Variants in ULK4 observed in about 807,000 individuals in gnomAD.
ULK4 encodes inactive serine/threonine-protein kinase ULK4.
A neutral mutation model predicts 160.6 loss-of-function variants in ULK4; 133 were observed. The ratio of observed to expected loss-of-function variants is 0.83; its 90% CI spans 0.72 to 0.96. The LOEUF (loss-of-function observed/expected upper bound fraction) is 0.96, where lower values mean the gene tolerates loss of function less well. Among genes scored for constraint, ULK4 ranks in the 40% least tolerant of loss-of-function variants. The probability of loss-of-function intolerance (pLI) is 0.00; values close to 1 mark genes in which losing one functional copy is unlikely to be tolerated. For missense variants in ULK4, 1,580 were observed against 1,499.5 expected (o/e 1.05, Z -0.89); for synonymous variants, 534 against 539.8 (o/e 0.99, Z 0.15).
At position 41,417,911 on chromosome 3, in the gene ULK4, G is replaced by T. The variant is rs900630182; in HGVS notation, c.3493-19647C>A. The stretch of plus-strand genomic sequence containing the variant: ...ACTTGAAAAACAGCAGGTGCAAAAA[G>T]ATCACTCTGACCTTCGTGCTGTTTT... On this transcript the variant is annotated intron_variant, in intron 34 of 36. Transcript: ENST00000301831. Among the ~76,000 whole-genome samples the T allele has an allele frequency of 2.6e-5, 4 of 152,124 alleles. No individual in the cohort carries two copies. In the East Asian group the frequency reaches 7.7e-4, roughly 29 times the overall value.
chr3:41,809,512 T>C (rs1294353110), intron 19 of ULK4, among the ~76,000 whole-genome samples: 1 of 152,198 alleles, frequency 6.6e-6, no homozygotes, highest in Non-Finnish European at 1.5e-5. Context: ...TAAGATTATA[T>C]TTGTGTGTGG....
At chr3:41,935,209 A>ATTTATTTTT (rs1559660879) in intron 4 of ULK4, among the ~76,000 whole-genome samples, 2 of 135,610 alleles carry the variant, frequency 1.5e-5, no homozygotes, top group African/African-American at 3.3e-5. Context: ...TTATTTATTT[A>ATTTATTTTT]TTTTTTTTTT....
rs367640339 is a variant in ULK4 at position 41,451,806 on chromosome 3, A to G, written c.3492+3691T>C. Among the ~76,000 whole-genome samples the G allele has an allele frequency of 3.3e-5, 5 of 152,106 alleles. No homozygotes were observed. The East Asian group carries it at 9.7e-4, about 29-fold the overall frequency. On this transcript the variant is annotated intron_variant, in intron 34 of 36. Coordinates refer to ENST00000301831, the MANE Select transcript of ULK4 (RefSeq NM_017886.4). ...AAACTGCTACTTTTGTAGGCCTCAA[A>G]TGGTCGGATATTGGCAATTTTATGT... is the stretch of plus-strand genomic sequence containing the variant.
intron 30 of ULK4, among the ~76,000 whole-genome samples, chr3:41,617,707 C>G (rs1380761202): frequency 6.6e-6 from 1 of 152,154 alleles, no homozygotes; most frequent in East Asian, 1.9e-4. Flanking sequence ...ATCCAGAATG[C>G]CTCTTCTCCT....
At chr3:41,385,510 C>T (rs1231289133) in intron 35 of ULK4, among the ~76,000 whole-genome samples, 1 of 152,016 alleles carries the variant, frequency 6.6e-6, no homozygotes, top group Non-Finnish European at 1.5e-5. Flanking sequence ...CTAGCCTGGG[C>T]AACAGAGTGA....
intron 32 of ULK4, among the ~76,000 whole-genome samples, chr3:41,484,025 C>G (rs944517242): frequency 6.6e-6 from 1 of 152,162 alleles, no homozygotes; most frequent in East Asian, 1.9e-4. Context: ...CCTCCAGAAG[C>G]TTGTGTCTTT....
intron 34 of ULK4, 124 bp from the exon 35 acceptor site, chr3:41,398,388 CTT>C (rs11331714): frequency 0.02 from 14,126 of 707,234 alleles, no homozygotes; most frequent in South Asian, 0.045. Context: ...TACTTTTTTA[CTT>C]TTTTTTTTTT....
At chr3:41,937,306 G>C (rs1419219422) in intron 3 of ULK4, 2 of 692,132 alleles carry the variant, frequency 2.9e-6, no homozygotes, top group East Asian at 5.4e-5. Flanking sequence ...TTGTCCATGT[G>C]TACATCCATG....
intron 30 of ULK4, among the ~76,000 whole-genome samples, chr3:41,657,426 A>G (rs923636163): frequency 5.3e-5 from 8 of 152,232 alleles, no homozygotes; most frequent in African/African-American, 1.9e-4. Context: ...ACAATTAATA[A>G]GCAAGTTAAG....
intron 32 of ULK4, among the ~76,000 whole-genome samples, chr3:41,508,732 G>A (rs751047416): frequency 5.3e-5 from 8 of 152,074 alleles, no homozygotes; most frequent in Admixed American, 1.3e-4. Flanking sequence ...AACAATCACC[G>A]CAGGTTGGCT....
At chr3:41,837,056 T>C (rs2041779964) in intron 17 of ULK4, among the ~76,000 whole-genome samples, 1 of 152,190 alleles carries the variant, frequency 6.6e-6, no homozygotes, top group South Asian at 2.1e-4. Flanking sequence ...GTTTAAAAAC[T>C]GAAAGTGCTT....
chr3:41,502,607 C>T lies in ULK4; in HGVS notation c.3227-39354G>A, dbSNP rs372987966. 2.2e-4 allele frequency among the ~76,000 whole-genome samples: 34 copies of T among 152,292 alleles called. No individual in the cohort carries two copies. The South Asian group carries it at 6.8e-3, about 31-fold the overall frequency. On this transcript the variant is annotated intron_variant, in intron 32 of 36. Transcript: ENST00000301831. ...TGAAATACAGTCATACAGTGGAATA[C>T]TATTCAAAAGAACAATACTATTGAT...
intron 32 of ULK4, among the ~76,000 whole-genome samples, chr3:41,551,396 A>G (rs1051838655): frequency 1.0e-4 from 13 of 128,364 alleles, no homozygotes; most frequent in African/African-American, 3.7e-4. Context: ...TAAACAAGAA[A>G]AAAAGGAAGA....
chr3:41,674,473 G>A (rs914292166), intron 29 of ULK4, among the ~76,000 whole-genome samples: 1 of 152,184 alleles, frequency 6.6e-6, no homozygotes, highest in African/African-American at 2.4e-5. Context: ...CTGAGTATAT[G>A]TGGTATCTTT....
At position 41,717,973 on chromosome 3, in the gene ULK4, G is replaced by A. The variant is rs565431124; in HGVS notation, c.2322-112C>T. 3.1e-6 allele frequency: 4 copies of A among 1,281,746 alleles called. No homozygotes were observed. In the South Asian group the frequency reaches 6.8e-5, roughly 22 times the overall value. The allele number at this position is 1,281,746 out of a possible 1,614,324, so 79.4% of individuals were successfully genotyped here. A position where few individuals can be genotyped will look rare whatever the true frequency, so the allele number is the denominator to read the frequency against. ...CAGAGGGCACCCTCCCAATCATATTGACGTTTAGATTTGTAGCAACTTGTC... is the reference window on the plus strand; with the variant it reads ...CAGAGGGCACCCTCCCAATCATATTAACGTTTAGATTTGTAGCAACTTGTC... On this transcript the variant is annotated intron_variant, in intron 22 of 36. Coordinates refer to ENST00000301831, the MANE Select transcript of ULK4 (RefSeq NM_017886.4).
At chr3:41,541,785 T>C (rs370581960) in intron 32 of ULK4, among the ~76,000 whole-genome samples, 13 of 152,268 alleles carry the variant, frequency 8.5e-5, no homozygotes, top group African/African-American at 2.6e-4. Flanking sequence ...ATTCTCTTTG[T>C]AGCAATTGTG....
At chr3:41,517,150 T>C (rs1163782160) in intron 32 of ULK4, among the ~76,000 whole-genome samples, 1 of 152,094 alleles carries the variant, frequency 6.6e-6, no homozygotes, top group African/African-American at 2.4e-5. Flanking sequence ...ATTAGGGAAT[T>C]ACAAATTAAA....
At chr3:41,727,833 G>A (rs1351189453) in intron 22 of ULK4, among the ~76,000 whole-genome samples, 2 of 152,204 alleles carry the variant, frequency 1.3e-5, no homozygotes, top group Non-Finnish European at 2.9e-5. Context: ...ATTTGGATGA[G>A]AAGTCATGGT....
intron 21 of ULK4, among the ~76,000 whole-genome samples, chr3:41,783,869 G>A (rs1026418138): frequency 5.3e-5 from 8 of 152,068 alleles, no homozygotes; most frequent in Non-Finnish European, 1.2e-4. Context: ...TTCCAGCCTT[G>A]AAAATGAAAT....
Sources: allele counts gnomAD v4.1 joint callset (sites outside exome capture counted in the v4.1 genomes callset), GRCh38; gene constraint gnomAD v4.1.1; transcripts MANE v1.5; gene names NCBI Gene and HGNC (gene_info 2026-07-23, HGNC 2026-07-21).